The following CSNK1G1 variants were observed in gnomAD, a reference collection of about 807,000 sequenced individuals.
CSNK1G1 encodes casein kinase 1 gamma 1, also known as casein kinase I isoform gamma-1.
CSNK1G1 carries 22 observed loss-of-function variants against 59.6 expected under a neutral mutation model. The observed-to-expected ratio is 0.37, with a 90% CI of 0.26 to 0.53. CSNK1G1 has a LOEUF of 0.53. Among genes scored for constraint, CSNK1G1 ranks in the 20% least tolerant of loss-of-function variants. The pLI is 0.89. For synonymous variants in CSNK1G1, 179 were observed against 177.1 expected, an observed-to-expected ratio of 1.01 and a Z score of -0.08; for missense variants, 384 against 519.5, an observed-to-expected ratio of 0.74 and a Z score of 2.54.
Position 64,204,540 on chromosome 15 carries a change from T to A in CSNK1G1, c.900A>T (p.Glu300Asp). The change falls in exon 9 of 12, where the codon GAA becomes GAT. Residue 300 changes from glutamate to aspartate, a missense_variant. By Grantham distance (45) the Glu-to-Asp change is conservative (BLOSUM62 2). This residue lies in a region of CSNK1G1 where 325 missense variants were observed against 440.9 expected (regional missense o/e 0.74). Coordinates refer to ENST00000303052, the MANE Select transcript of CSNK1G1 (RefSeq NM_022048.5). ...TCCGTAAATACTCATAATCAGGTTT[T>A]TCAAAGAAGTCCAGTCGCCTGACAT... ...LRYVRRLDFF[E>D]KPDYEYLRTL... 6.2e-7 allele frequency: 1 copy of A among 1,614,116 alleles called. No individual in the cohort carries two copies. The highest frequency in any genetic ancestry group is 8.5e-7 in the Non-Finnish European group (1 of 1,179,998).
chr15:64,173,033 G>A (rs766590459), intron 11 of CSNK1G1, among the ~76,000 whole-genome samples: 27 of 152,204 alleles, frequency 1.8e-4, no homozygotes, highest in Non-Finnish European at 2.9e-4. Flanking sequence ...CAAAGATGCC[G>A]GATGATGGAG....
rs200210561 is a variant in CSNK1G1, at chr15:64,332,732, AC to A, written c.-225+23255del. On this transcript the variant is annotated intron_variant, in intron 1 of 11. Transcript: ENST00000303052. ...AAATCACAAAACAATTTAAAAAAAAACAAAAACAAAAAAAAAGTAGTTGAAA... is the reference window on the plus strand; with the variant it reads ...AAATCACAAAACAATTTAAAAAAAAAAAAAACAAAAAAAAAGTAGTTGAAA... Among the ~76,000 whole-genome samples, 1,159 of 148,724 alleles carry A rather than the reference AC, an allele frequency of 7.8e-3. 14 individuals carry two copies. The highest frequency in any genetic ancestry group is 0.027 in the African/African-American group (1,091 of 40,176).
intron 6 of CSNK1G1, among the ~76,000 whole-genome samples, chr15:64,209,060 T>C (rs1452234408): frequency 2.0e-5 from 3 of 152,104 alleles, no homozygotes; most frequent in African/African-American, 7.2e-5. Flanking sequence ...CTACTTTTTG[T>C]ATTTTTTATA....
At chr15:64,287,784 A>G (rs1009207533) in intron 2 of CSNK1G1, among the ~76,000 whole-genome samples, 1 of 152,200 alleles carries the variant, frequency 6.6e-6, no homozygotes, top group African/African-American at 2.4e-5. Context: ...AGAATACACA[A>G]AAGTATGTCA....
At chr15:64,189,296 G>A in intron 10 of CSNK1G1, 5 of 1,017,572 alleles carry the variant, frequency 4.9e-6, no homozygotes, top group South Asian at 3.5e-5. Context: ...AAACCTCTTT[G>A]GATTCTGCTT....
chr15:64,320,546 G>T (rs866705198), intron 1 of CSNK1G1, among the ~76,000 whole-genome samples: 3 of 151,970 alleles, frequency 2.0e-5, no homozygotes, highest in Non-Finnish European at 4.4e-5. Context: ...AGGCGTGGTG[G>T]CAAGTGCCTG....
At chr15:64,317,513 A>G (rs1256503287) in intron 1 of CSNK1G1, among the ~76,000 whole-genome samples, 2 of 146,740 alleles carry the variant, frequency 1.4e-5, no homozygotes, top group Non-Finnish European at 3.0e-5. Flanking sequence ...TGTATCCATC[A>G]AAGTGATAAG....
At chr15:64,239,609 G>A (rs1440116943) in intron 4 of CSNK1G1, among the ~76,000 whole-genome samples, 1 of 152,038 alleles carries the variant, frequency 6.6e-6, no homozygotes, top group Non-Finnish European at 1.5e-5. Flanking sequence ...AAACTCCTGA[G>A]CTCCATCGAT....
intron 3 of CSNK1G1, among the ~76,000 whole-genome samples, chr15:64,258,833 C>T (rs922911787): frequency 6.6e-6 from 1 of 151,762 alleles, no homozygotes; most frequent in Admixed American, 6.6e-5. Context: ...CTTCTAAGTA[C>T]AAAAAATAAA....
At chr15:64,187,831 A>G (rs1186586146) in intron 10 of CSNK1G1, among the ~76,000 whole-genome samples, 1 of 152,252 alleles carries the variant, frequency 6.6e-6, no homozygotes, top group Non-Finnish European at 1.5e-5. Context: ...AAAGAGATTC[A>G]GAATAGCCCA....
chr15:64,321,796 T>A (rs1482141515), intron 1 of CSNK1G1, among the ~76,000 whole-genome samples: 1 of 152,150 alleles, frequency 6.6e-6, no homozygotes, highest in East Asian at 1.9e-4. Flanking sequence ...ATTGTTAAAT[T>A]TTCCCTGAGT....
intron 2 of CSNK1G1, among the ~76,000 whole-genome samples, chr15:64,266,084 G>C (rs1487001868): frequency 1.3e-5 from 2 of 150,036 alleles, no homozygotes; most frequent in Non-Finnish European, 1.5e-5. Context: ...TTTTTTTGGA[G>C]ACAGAGTCTC....
intron 3 of CSNK1G1, among the ~76,000 whole-genome samples, chr15:64,252,334 C>T (rs554086235): frequency 7.9e-5 from 12 of 152,042 alleles, no homozygotes; most frequent in Admixed American, 2.0e-4. Flanking sequence ...TCTTAGCCTC[C>T]CGAGTGGCTG....
chr15:64,198,583 C>G (rs2082066122), intron 10 of CSNK1G1, among the ~76,000 whole-genome samples: 1 of 151,986 alleles, frequency 6.6e-6, no homozygotes, highest in Non-Finnish European at 1.5e-5. Context: ...GTTAGCTGTT[C>G]CTAAAGTCAA....
At chr15:64,343,234 C>CACACACACACACA (rs1327910388) in intron 1 of CSNK1G1, among the ~76,000 whole-genome samples, 2 of 151,866 alleles carry the variant, frequency 1.3e-5, no homozygotes, top group South Asian at 4.2e-4. Context: ...CACACACACA[C>CACACACACACACA]ACCTCTTCTA....
chr15:64,314,312 C>G (rs554325078), intron 1 of CSNK1G1, among the ~76,000 whole-genome samples: 1 of 151,928 alleles, frequency 6.6e-6, no homozygotes, highest in South Asian at 2.1e-4. Flanking sequence ...GGGTGGGAAG[C>G]CTTTTATTAG....
chr15:64,213,753 T>C (rs1315980631), intron 6 of CSNK1G1, 137 bp downstream of exon 6: 4 of 653,012 alleles, frequency 6.1e-6, no homozygotes, highest in Non-Finnish European at 1.1e-5. Flanking sequence ...CCATCTCAAC[T>C]TCTCATGTAT....
intron 1 of CSNK1G1, chr15:64,335,827 T>C (rs571071731): frequency 6.6e-6 from 1 of 152,324 alleles, no homozygotes; most frequent in Admixed American, 6.5e-5. Flanking sequence ...CTTGCTGTTG[T>C]TCCTGTATTG....
At chr15:64,297,058 A>G (rs1233964131) in intron 2 of CSNK1G1, among the ~76,000 whole-genome samples, 1 of 145,692 alleles carries the variant, frequency 6.9e-6, no homozygotes, top group African/African-American at 2.6e-5. Context: ...CTTCCTATTC[A>G]TCAGCTTTTT....
Sources: allele counts gnomAD v4.1 joint callset (sites outside exome capture counted in the v4.1 genomes callset), GRCh38; gene constraint gnomAD v4.1.1; regional missense constraint gnomAD v4.1.1; transcripts MANE v1.5; gene names NCBI Gene and HGNC (gene_info 2026-07-23, HGNC 2026-07-21).